DCAF4: variants seen among roughly 807,000 people sequenced by gnomAD.
DCAF4 encodes the protein DDB1- and CUL4-associated factor 4.
DCAF4 carries 37 observed loss-of-function variants against 60.9 expected under a neutral mutation model. That is an observed-to-expected ratio of 0.61 (90% CI 0.47 to 0.80). DCAF4 has a LOEUF of 0.80. Among genes scored for constraint, DCAF4 ranks in the 30% least tolerant of loss-of-function variants. The pLI, the probability that DCAF4 is intolerant of heterozygous loss-of-function variation, is 0.00. For missense variants in DCAF4, 577 were observed against 650.0 expected, an observed-to-expected ratio of 0.89 and a Z score of 1.22; for synonymous variants, 243 against 254.8, an observed-to-expected ratio of 0.95 and a Z score of 0.44.
At chr14:72,931,263 CTTTT>C (rs370127536) in intron 1 of DCAF4, among the ~76,000 whole-genome samples, 44 of 126,786 alleles carry the variant, frequency 3.5e-4, no homozygotes, top group South Asian at 7.4e-4. Context: ...TACTTTTTCT[CTTTT>C]TTTTTTTTTT....
Position 72,936,752 on chromosome 14 carries a change from A to G in DCAF4, c.-8-1219A>G, listed in dbSNP as rs143626758. 5.2e-4 allele frequency among the ~76,000 whole-genome samples: 79 copies of G among 152,270 alleles called. 1 individual carries two copies. Among genetic ancestry groups the G allele is most frequent in the Middle Eastern group, 3.4e-3 (1 of 294 alleles). Reference sequence around the variant, plus strand: ...TAGGAACTTGGTGCTCAGTAGCGATATTAGGGTTGGAGCTGCATCTGCATT... The same window carrying G: ...TAGGAACTTGGTGCTCAGTAGCGATGTTAGGGTTGGAGCTGCATCTGCATT... On this transcript the variant is annotated intron_variant, in intron 1 of 13. Coordinates refer to ENST00000358377, the MANE Select transcript of DCAF4 (RefSeq NM_015604.4).
downstream of DCAF4, chr14:72,960,502 TCTTC>T (rs1892777366): frequency 2.2e-6 from 1 of 456,078 alleles, no homozygotes; most frequent in Admixed American, 5.9e-5. Context: ...GGCTCTGACC[TCTTC>T]CTTCTCCCAC....
At chr14:72,956,666 T>C (rs1431013377) in intron 13 of DCAF4, 166 bp downstream of exon 13, 8 of 620,430 alleles carry the variant, frequency 1.3e-5, no homozygotes, top group Non-Finnish European at 2.3e-5. Context: ...AATTAGATTA[T>C]ATTAGTAATC....
chr14:72,956,448 G>C lies in DCAF4; in HGVS notation c.1242G>C (p.Glu414Asp). 6.2e-7 allele frequency: 1 copy of C among 1,613,716 alleles called. No homozygotes were observed. ...GGCAGTACGAAGGCCACGTGAATGAGTACGCCTACCTGCCCCTGCATGTGC... is the reference window on the plus strand; with the variant it reads ...GGCAGTACGAAGGCCACGTGAATGACTACGCCTACCTGCCCCTGCATGTGC... ...CVRQYEGHVN[E>D]YAYLPLHVHE... The change falls in exon 13 of 14, where the codon GAG (glutamate) becomes GAC (aspartate). Residue 414 changes from glutamate (E) to aspartate (D), a missense_variant. Transcript: ENST00000358377.
At chr14:72,937,885 G>T in intron 1 of DCAF4, 86 bp from the exon 2 acceptor site, 1 of 1,454,886 alleles carries the variant, frequency 6.9e-7, no homozygotes. Flanking sequence ...TGCTGGTGCT[G>T]AGCATGAAGC....
At chr14:72,941,907 G>A in intron 5 of DCAF4, 83 bp downstream of exon 5, 1 of 1,461,282 alleles carries the variant, frequency 6.8e-7, no homozygotes, top group South Asian at 1.2e-5. Context: ...AATCCAGTCT[G>A]GATAGACCAT....
chr14:72,955,744 G>T (rs1421074145), intron 12 of DCAF4, 48 bp downstream of exon 12: 1 of 1,543,872 alleles, frequency 6.5e-7, no homozygotes, highest in Admixed American at 1.8e-5. Flanking sequence ...GTGGCCCAGT[G>T]CCCTGCCAGG....
intron 1 of DCAF4, among the ~76,000 whole-genome samples, chr14:72,927,371 T>G (rs143968818): frequency 0.065 from 3,803 of 58,728 alleles, 23 homozygotes; most frequent in Middle Eastern, 0.19. Flanking sequence ...TTTTTTTTTT[T>G]GAGGCGGAGT....
chr14:72,932,546 A>G (rs983252782), intron 1 of DCAF4, among the ~76,000 whole-genome samples: 1 of 152,232 alleles, frequency 6.6e-6, no homozygotes, highest in Non-Finnish European at 1.5e-5. Context: ...TATAATTCTT[A>G]ATGCCTTGAG....
chr14:72,954,257 G>GT lies in DCAF4; in HGVS notation c.903dup (p.Thr302TyrfsTer25). On this transcript the variant is annotated frameshift_variant, in exon 10 of 14. Coordinates refer to ENST00000358377, the MANE Select transcript of DCAF4 (RefSeq NM_015604.4). LOFTEE classifies it high-confidence loss of function. ...AATATCCAAGCAAATAACTGCTTCA[G>GT]TACAGGTGAGCCTGGCTCCCCAGGT... 2 of 1,614,220 alleles carry GT rather than the reference G, an allele frequency of 1.2e-6. No homozygotes were observed. The highest frequency in any genetic ancestry group is 4.5e-5 in the East Asian group (2 of 44,878).
intron 4 of DCAF4, 108 bp from the exon 5 acceptor site, chr14:72,941,637 T>G (rs1237346187): frequency 5.5e-5 from 57 of 1,043,192 alleles, no homozygotes; most frequent in Non-Finnish European, 7.5e-5. Flanking sequence ...TTTCTGCCAA[T>G]TTAGTGCCTG....
At chr14:72,943,234 G>A (rs1345327743) in intron 6 of DCAF4, 138 bp downstream of exon 6, 17 of 751,254 alleles carry the variant, frequency 2.3e-5, no homozygotes, top group Non-Finnish European at 3.5e-5. Flanking sequence ...TTGGTTGTAC[G>A]ATTTTAACCT....
At position 72,940,296 on chromosome 14, in the gene DCAF4, C is replaced by T. The variant is rs781212988; in HGVS notation, c.270C>T (p.Pro90=). Residue 90 remains proline (P), a synonymous_variant, in exon 4 of 14, where the codon CCC becomes CCT. Coordinates refer to ENST00000358377, the MANE Select transcript of DCAF4 (RefSeq NM_015604.4). ...TCCCTGGACATAACAACTGCAACCC[C>T]CTGACGAAAGAGAGCATCCGGCAGA... is the stretch of plus-strand genomic sequence containing the variant. ...RLLPGHNNCN[P]LTKESIRQKE... is the part of the protein sequence containing the mutation. 1 of 1,614,144 alleles carries T rather than the reference C, an allele frequency of 6.2e-7. No individual in the cohort carries two copies. Among genetic ancestry groups the T allele is most frequent in the Non-Finnish European group, 8.5e-7 (1 of 1,180,030 alleles).
intron 1 of DCAF4, among the ~76,000 whole-genome samples, chr14:72,937,077 G>A (rs1037969060): frequency 6.6e-6 from 1 of 152,210 alleles, no homozygotes; most frequent in Non-Finnish European, 1.5e-5. Context: ...GGAATATCGG[G>A]AGATGAAGAC....
chr14:72,938,180 T>C, intron 2 of DCAF4, 110 bp downstream of exon 2: 1 of 1,407,786 alleles, frequency 7.1e-7, no homozygotes, highest in African/African-American at 1.4e-5. Context: ...CTCGTCCCAA[T>C]GCAGGTTCTG....
intron 6 of DCAF4, among the ~76,000 whole-genome samples, chr14:72,944,690 G>C (rs11158997): frequency 0.2 from 30,508 of 152,092 alleles, 3,738 homozygotes; most frequent in East Asian, 0.43. Context: ...TACTCGGGAG[G>C]CTATGGTGGG....
At chr14:72,955,309 A>G (rs1165726242) in intron 11 of DCAF4, among the ~76,000 whole-genome samples, 7 of 152,066 alleles carry the variant, frequency 4.6e-5, no homozygotes, top group Admixed American at 1.3e-4. Context: ...CGTGCTACCC[A>G]TGAGGAGGAC....
intron 10 of DCAF4, 59 bp downstream of exon 10, chr14:72,954,321 G>A (rs1891976083): frequency 3.7e-6 from 6 of 1,612,900 alleles, no homozygotes. Flanking sequence ...AAAACCCCAT[G>A]TAGTTGTCCC....
intron 12 of DCAF4, 89 bp downstream of exon 12, chr14:72,955,785 C>T (rs1892195078): frequency 7.9e-7 from 1 of 1,259,248 alleles, no homozygotes; most frequent in African/African-American, 1.5e-5. Flanking sequence ...GGTCCTCACA[C>T]CAAGACCCCA....
Sources: gnomAD v4.1 joint callset for allele counts (sites outside exome capture counted in the v4.1 genomes callset) on GRCh38, gnomAD v4.1.1 for gene constraint, MANE v1.5 for transcripts, NCBI Gene and HGNC (gene_info 2026-07-23, HGNC 2026-07-21) for gene names.